Variants in OR4N2 observed in about 807,000 individuals in gnomAD.
OR4N2 encodes the protein olfactory receptor family 4 subfamily N member 2, also known as olfactory receptor 4N2.
For missense variants in OR4N2, 307 were observed against 377.6 expected, an observed-to-expected ratio of 0.81 and a Z score of 1.55; for synonymous variants, 141 against 140.4, an observed-to-expected ratio of 1.00 and a Z score of -0.03.
chr14:19,805,564 G>A (rs1180867916), intron 1 of OR4N2, among the ~76,000 whole-genome samples: 1 of 152,122 alleles, frequency 6.6e-6, no homozygotes, highest in African/African-American at 2.4e-5. Flanking sequence ...TTTTAAAAGT[G>A]AACAAAACTT....
intron 1 of OR4N2, among the ~76,000 whole-genome samples, chr14:19,826,143 G>T (rs1310430267): frequency 2.0e-5 from 3 of 152,198 alleles, no homozygotes; most frequent in African/African-American, 7.2e-5. Context: ...ACTAAATATA[G>T]ATAAATTACT....
At chr14:19,822,315 C>T (rs1879586733) in intron 1 of OR4N2, 1 of 152,240 alleles carries the variant, frequency 6.6e-6, no homozygotes, top group Non-Finnish European at 1.5e-5. Context: ...TGATATGTAT[C>T]ATTTTCCTTA....
chr14:19,816,634 C>T lies in OR4N2; in HGVS notation c.-9-10806C>T, dbSNP rs1219691615. Among the ~76,000 whole-genome samples, 3 of 152,242 alleles carry T rather than the reference C, an allele frequency of 2.0e-5. No homozygotes were observed. The East Asian group carries it at 5.8e-4, about 29-fold the overall frequency. ...TTTTCTAAATATACAATCATGTCAT[C>T]TGCAAACTTTGACAATTTACCTCCC... is the stretch of plus-strand genomic sequence containing the variant. On this transcript the variant is annotated intron_variant, in intron 1 of 1. Transcript: ENST00000557677.
intron 1 of OR4N2, among the ~76,000 whole-genome samples, chr14:19,818,628 C>T (rs1397153852): frequency 6.6e-6 from 1 of 152,150 alleles, no homozygotes; most frequent in Non-Finnish European, 1.5e-5. Flanking sequence ...GGTCTTGAGT[C>T]TCTATCCAAT....
Position 19,827,545 on chromosome 14 carries a change from A to G in OR4N2, c.97A>G (p.Ile33Val). ...IQLLVFVLVL[I>V]FYFIILPGNF... is the part of the protein sequence containing the mutation. ...GCTCCTGGTCTTTGTGCTAGTTTTA[A>G]TATTCTACTTCATCATCCTCCCTGG... Residue 33 changes from isoleucine (I) to valine (V), a missense_variant, in exon 2 of 2, where the codon ATA becomes GTA. Coordinates refer to ENST00000557677, the MANE Select transcript of OR4N2 (RefSeq NM_001004723.3). 1 of 1,614,176 alleles carries G rather than the reference A, an allele frequency of 6.2e-7. No individual in the cohort carries two copies. Among genetic ancestry groups the G allele is most frequent in the South Asian group, 1.1e-5 (1 of 91,084 alleles).
At chr14:19,826,577 CTT>C (rs1322501199) in intron 1 of OR4N2, among the ~76,000 whole-genome samples, 1 of 152,198 alleles carries the variant, frequency 6.6e-6, no homozygotes, top group African/African-American at 2.4e-5. Context: ...TATGCTATGA[CTT>C]TATGAGTTGA....
At chr14:19,824,703 T>A (rs1466896195) in intron 1 of OR4N2, among the ~76,000 whole-genome samples, 1 of 152,276 alleles carries the variant, frequency 6.6e-6, no homozygotes, top group South Asian at 2.1e-4. Flanking sequence ...ATGAACTTTA[T>A]GATGATGCAT....
At chr14:19,817,968 GT>G (rs1879469427) in intron 1 of OR4N2, among the ~76,000 whole-genome samples, 1 of 152,230 alleles carries the variant, frequency 6.6e-6, no homozygotes, top group Non-Finnish European at 1.5e-5. Flanking sequence ...TCAGGAGCAG[GT>G]TGTTCAGTTT....
rs780985368 is a variant in OR4N2, at chr14:19,827,573, A to G, written c.125A>G (p.Asn42Ser). 4.3e-6 allele frequency: 7 copies of G among 1,613,996 alleles called. No individual in the cohort carries two copies. Among genetic ancestry groups the G allele is most frequent in the Non-Finnish European group, 5.9e-6 (7 of 1,180,018 alleles). ...LIFYFIILPGNFLIIFTIKSD... is the reference protein window; with the variant it reads ...LIFYFIILPGSFLIIFTIKSD... ...TTCTACTTCATCATCCTCCCTGGAA[A>G]TTTTCTCATTATTTTCACCATAAAG... The change falls in exon 2 of 2, where the codon AAT (asparagine) becomes AGT (serine). Residue 42 changes from asparagine (N) to serine (S), a missense_variant. Transcript: ENST00000557677.
In OR4N2 at chr14:19,825,065, G is replaced by T. The variant is rs576955204; in HGVS notation, c.-9-2375G>T. 3.3e-5 allele frequency among the ~76,000 whole-genome samples: 5 copies of T among 152,374 alleles called. No homozygotes were observed. In the South Asian group the frequency reaches 6.2e-4, roughly 19 times the overall value. The stretch of plus-strand genomic sequence containing the variant: ...GACAAATGGCTGGCAAAGGGGGAAA[G>T]GTTAAGACATGAGCAGAAAAGCTCA... On this transcript the variant is annotated intron_variant, in intron 1 of 1. Coordinates refer to ENST00000557677, the MANE Select transcript of OR4N2 (RefSeq NM_001004723.3).
rs1428842409 is a variant in OR4N2 at position 19,806,087 on chromosome 14, G to A, written c.-10+2243G>A. ...AGGTCCTTAAGGGAGTGCTAAACAT[G>A]TGAACAAAAGAACAGCATCTGCTGC... On this transcript the variant is annotated intron_variant, in intron 1 of 1. Coordinates refer to ENST00000557677, the MANE Select transcript of OR4N2 (RefSeq NM_001004723.3). Among the ~76,000 whole-genome samples, 7 of 152,260 alleles carry A rather than the reference G, an allele frequency of 4.6e-5. No homozygotes were observed. The East Asian group carries it at 1.3e-3, about 29-fold the overall frequency.
At chr14:19,808,412 A>G (rs1010778104) in intron 1 of OR4N2, among the ~76,000 whole-genome samples, 4 of 152,208 alleles carry the variant, frequency 2.6e-5, no homozygotes, top group African/African-American at 9.6e-5. Context: ...CTCTACAAAA[A>G]TCAGTAGCAT....
intron 1 of OR4N2, among the ~76,000 whole-genome samples, chr14:19,826,547 A>G (rs568283861): frequency 6.6e-6 from 1 of 152,370 alleles, no homozygotes; most frequent in Non-Finnish European, 1.5e-5. Context: ...CAGTATCTTT[A>G]TGGCTACTTA....
intron 1 of OR4N2, among the ~76,000 whole-genome samples, chr14:19,826,279 A>G (rs935298320): frequency 6.6e-6 from 1 of 152,250 alleles, no homozygotes; most frequent in Non-Finnish European, 1.5e-5. Flanking sequence ...TTTTATTTAA[A>G]CAAGGTTGAA....
chr14:19,821,631 G>A (rs1229285235), intron 1 of OR4N2, among the ~76,000 whole-genome samples: 4 of 152,140 alleles, frequency 2.6e-5, no homozygotes, highest in South Asian at 2.1e-4. Context: ...CTTCTGAATA[G>A]GGTTCTGTCT....
At chr14:19,826,042 A>G (rs1297190767) in intron 1 of OR4N2, among the ~76,000 whole-genome samples, 1 of 152,268 alleles carries the variant, frequency 6.6e-6, no homozygotes, top group Non-Finnish European at 1.5e-5. Context: ...AGTATATATA[A>G]ACCATTGTAC....
At chr14:19,818,929 C>G (rs551925309) in intron 1 of OR4N2, among the ~76,000 whole-genome samples, 1 of 152,222 alleles carries the variant, frequency 6.6e-6, no homozygotes, top group Non-Finnish European at 1.5e-5. Flanking sequence ...TTTCTTTCTC[C>G]TTCGCTTATG....
rs1197355758 is a variant in OR4N2 at position 19,815,674 on chromosome 14, T to G, written c.-9-11766T>G. Reference sequence around the variant, plus strand: ...TTTTTTGTTTTTTTTTTTTTTGTTTTTTTTCTGTGCAGAAGCTCTTCAGTT... The same window carrying G: ...TTTTTTGTTTTTTTTTTTTTTGTTTGTTTTCTGTGCAGAAGCTCTTCAGTT... On this transcript the variant is annotated intron_variant, in intron 1 of 1. Transcript: ENST00000557677. Among the ~76,000 whole-genome samples, 1,149 of 151,704 alleles carry G rather than the reference T, an allele frequency of 7.6e-3. 1 individual carries two copies. The highest frequency in any genetic ancestry group is 0.026 in the African/African-American group (1,061 of 41,210).
chr14:19,818,280 G>GCAAGAATT (rs1879477724), intron 1 of OR4N2, among the ~76,000 whole-genome samples: 1 of 152,204 alleles, frequency 6.6e-6, no homozygotes, highest in Admixed American at 6.5e-5. Context: ...TGACAGTGGG[G>GCAAGAATT]TGTTAAAATC....
Sources: allele counts gnomAD v4.1 joint callset (sites outside exome capture counted in the v4.1 genomes callset), GRCh38; gene constraint gnomAD v4.1.1; transcripts MANE v1.5; gene names NCBI Gene and HGNC (gene_info 2026-07-23, HGNC 2026-07-21).